NRIP1: variants seen among roughly 807,000 people sequenced by gnomAD.
The protein encoded by NRIP1 is nuclear receptor interacting protein 1.
In NRIP1, 28 loss-of-function variants were observed where a neutral mutation model predicts 75.0. That is an observed-to-expected ratio of 0.37 (90% CI 0.28 to 0.51). The LOEUF is 0.51. Ranked by LOEUF, NRIP1 falls within the 20% of genes least tolerant of loss-of-function variation. The probability of loss-of-function intolerance (pLI) is 0.92; values close to 1 mark genes in which losing one functional copy is unlikely to be tolerated. For synonymous variants in NRIP1, 526 were observed against 487.6 expected (o/e 1.08, Z -1.04); for missense variants, 1,435 against 1,343.7 (o/e 1.07, Z -1.06).
intron 1 of NRIP1, among the ~76,000 whole-genome samples, chr21:15,064,010 TGGGAGG>T (rs1237966146): frequency 1.4e-4 from 21 of 152,318 alleles, no homozygotes; most frequent in African/African-American, 4.8e-4. Context: ...TTGGAAGGGA[TGGGAGG>T]GTCTGCAGAA....
At chr21:15,014,792 C>T (rs1414415731) in intron 2 of NRIP1, among the ~76,000 whole-genome samples, 2 of 143,104 alleles carry the variant, frequency 1.4e-5, no homozygotes, top group African/African-American at 5.2e-5. Context: ...AATTTACATA[C>T]AAAAAATTAT....
rs1010397812 is a variant in NRIP1 at position 14,962,228 on chromosome 21, T to C, written c.*2488A>G. 2.6e-5 allele frequency: 4 copies of C among 151,808 alleles called. No homozygotes were observed. Among genetic ancestry groups the C allele is most frequent in the Non-Finnish European group, 5.9e-5 (4 of 67,844 alleles). 9.4% of individuals were successfully genotyped at this position (151,808 alleles called of 1,614,324 possible). A position where few individuals can be genotyped will look rare whatever the true frequency, so the allele number is the denominator to read the frequency against. On this transcript the variant is annotated 3_prime_UTR_variant, in exon 4 of 4. Transcript: ENST00000318948. ...GTATATGTGCATCCTTGTATCTACATATGCATAAACAAAGTGAATCTGTGG... is the reference window on the plus strand; with the variant it reads ...GTATATGTGCATCCTTGTATCTACACATGCATAAACAAAGTGAATCTGTGG...
intron 2 of NRIP1, among the ~76,000 whole-genome samples, chr21:15,036,140 A>G (rs952147615): frequency 2.2e-4 from 34 of 152,214 alleles, no homozygotes; most frequent in African/African-American, 8.2e-4. Flanking sequence ...GAATAAAGCC[A>G]GAAGATCAAT....
At chr21:15,018,729 AATG>A (rs1199712072) in intron 2 of NRIP1, among the ~76,000 whole-genome samples, 2 of 152,188 alleles carry the variant, frequency 1.3e-5, no homozygotes, top group East Asian at 1.9e-4. Flanking sequence ...CGGAGAACAC[AATG>A]ATAACAGTGA....
At chr21:15,039,465 T>G (rs925737505) in intron 2 of NRIP1, among the ~76,000 whole-genome samples, 6 of 152,136 alleles carry the variant, frequency 3.9e-5, no homozygotes, top group Non-Finnish European at 7.4e-5. Flanking sequence ...AAAACCCAAT[T>G]TGGTGGCAAA....
rs572824516 is a variant in NRIP1, at chr21:14,961,469, T to A, written c.*3247A>T. On this transcript the variant is annotated 3_prime_UTR_variant, in exon 4 of 4. Coordinates refer to ENST00000318948, the MANE Select transcript of NRIP1 (RefSeq NM_003489.4). ...TGGTAATGTGCCTATATTCCAGTAT[T>A]GCTAATACTGGGATACTCTTGGAAT... The A allele has an allele frequency of 6.6e-6, 1 of 152,552 alleles. No individual in the cohort carries two copies. The highest frequency in any genetic ancestry group is 6.5e-5 in the Admixed American group (1 of 15,268). The allele number at this position is 152,552 out of a possible 1,614,324, so 9.4% of individuals were successfully genotyped here.
chr21:14,975,540 C>G (rs1263832524), intron 3 of NRIP1, among the ~76,000 whole-genome samples: 3 of 150,746 alleles, frequency 2.0e-5, no homozygotes, highest in Non-Finnish European at 4.4e-5. Context: ...TCACTGGAGC[C>G]CAGGAGTTTG....
At chr21:14,989,543 C>A (rs909019942) in intron 3 of NRIP1, among the ~76,000 whole-genome samples, 1 of 152,166 alleles carries the variant, frequency 6.6e-6, no homozygotes, top group South Asian at 2.1e-4. Context: ...AATAACATAT[C>A]TTTCACAGGA....
chr21:15,003,714 C>T (rs947013050), intron 3 of NRIP1, among the ~76,000 whole-genome samples: 5 of 152,214 alleles, frequency 3.3e-5, no homozygotes, highest in African/African-American at 1.2e-4. Flanking sequence ...CCCAATTAGG[C>T]AGCTGTCACA....
At chr21:15,021,284 C>T (rs1390203579) in intron 2 of NRIP1, among the ~76,000 whole-genome samples, 4 of 152,122 alleles carry the variant, frequency 2.6e-5, no homozygotes, top group Admixed American at 1.3e-4. Flanking sequence ...AAGCTAAATA[C>T]GAAAGATATC....
intron 3 of NRIP1, among the ~76,000 whole-genome samples, chr21:14,984,972 A>G (rs191906328): frequency 6.6e-6 from 1 of 151,726 alleles, no homozygotes; most frequent in Non-Finnish European, 1.5e-5. Flanking sequence ...TATAGTGTAA[A>G]CGTAACTTTT....
At chr21:14,994,442 T>G (rs746631363) in intron 3 of NRIP1, among the ~76,000 whole-genome samples, 3 of 152,236 alleles carry the variant, frequency 2.0e-5, no homozygotes, top group Non-Finnish European at 4.4e-5. Flanking sequence ...AGAGTTTTCT[T>G]GAGTGCTATC....
chr21:14,964,880 T>C lies in NRIP1; in HGVS notation c.3313A>G (p.Lys1105Glu), dbSNP rs185732428. Residue 1105 changes from lysine (K) to glutamate (E), a missense_variant, in exon 4 of 4, where the codon AAA becomes GAA. By Grantham distance (56) the Lys-to-Glu change is moderately conservative (BLOSUM62 1). Transcript: ENST00000318948. ...TCTGCAGTAGGAAGTAACTCTTCTT[T>C]GGCTGTGACCTGTGAGACACTTTCA... ...SAESVSQVTA[K>E]EELLPTAETK... 2.7e-4 allele frequency: 437 copies of C among 1,613,394 alleles called. 2 individuals are homozygous for C. In the East Asian group the frequency reaches 5.0e-3, roughly 18 times the overall value.
In NRIP1 at chr21:15,031,065, CTA is replaced by C. The variant is rs1345743928; in HGVS notation, c.-458+12428_-458+12429del. Among the ~76,000 whole-genome samples, 264 of 44,222 alleles carry C rather than the reference CTA, an allele frequency of 6.0e-3. 14 individuals are homozygous for C. The highest frequency in any genetic ancestry group is 0.023 in the African/African-American group (245 of 10,786). The allele number at this position is 44,222 out of a possible 152,430, so 29.0% of individuals were successfully genotyped here. On this transcript the variant is annotated intron_variant, in intron 2 of 3. Transcript: ENST00000318948. ...GTTGGAGGTTCACTACATTCCCTTTCTATGTGTGTACACTCTGGAAGGCGCTC... is the reference window on the plus strand; with the variant it reads ...GTTGGAGGTTCACTACATTCCCTTTCTGTGTGTACACTCTGGAAGGCGCTC...
chr21:14,964,856 C>T lies in NRIP1; in HGVS notation c.3337G>A (p.Glu1113Lys), dbSNP rs1403235597. 4 of 1,613,344 alleles carry T rather than the reference C, an allele frequency of 2.5e-6. No individual in the cohort carries two copies. The highest frequency in any genetic ancestry group is 3.4e-6 in the Non-Finnish European group (4 of 1,179,734). ...TAKEELLPTA[E>K]TKASFFNLRS... is the part of the protein sequence containing the mutation. ...AAATTAAAGAAAGAAGCTTTCGTTT[C>T]TGCAGTAGGAAGTAACTCTTCTTTG... Residue 1113 changes from glutamate to lysine, a missense_variant, in exon 4 of 4, where the codon GAA (glutamate) becomes AAA (lysine). Glu to Lys is a moderately conservative substitution (Grantham distance 56, BLOSUM62 1). Transcript: ENST00000318948.
intron 3 of NRIP1, among the ~76,000 whole-genome samples, chr21:15,005,427 T>C (rs184144741): frequency 6.6e-6 from 1 of 152,240 alleles, no homozygotes; most frequent in Admixed American, 6.5e-5. Context: ...AAGGAAGTTG[T>C]TGGTTGGTTG....
intron 2 of NRIP1, among the ~76,000 whole-genome samples, chr21:15,022,260 T>C (rs73172392): frequency 0.19 from 28,682 of 152,134 alleles, 3,038 homozygotes; most frequent in Non-Finnish European, 0.24. Context: ...ATAGAAGCCA[T>C]TATCCTCAGC....
intron 3 of NRIP1, among the ~76,000 whole-genome samples, chr21:14,972,180 T>G (rs934287621): frequency 1.3e-5 from 2 of 150,782 alleles, no homozygotes; most frequent in Non-Finnish European, 1.5e-5. Flanking sequence ...GCTCCTTCTA[T>G]TGAAAGCTCT....
intron 1 of NRIP1, among the ~76,000 whole-genome samples, chr21:15,052,562 C>A (rs548872581): frequency 9.5e-4 from 144 of 152,306 alleles, no homozygotes; most frequent in African/African-American, 3.4e-3. Flanking sequence ...CCCCGCGATA[C>A]TTCACTGAAG....
Sources: gnomAD v4.1 joint callset for allele counts (sites outside exome capture counted in the v4.1 genomes callset) on GRCh38, gnomAD v4.1.1 for gene constraint, MANE v1.5 for transcripts, NCBI Gene and HGNC (gene_info 2026-07-23, HGNC 2026-07-21) for gene names.